The following PEX7 variants were observed in gnomAD, a reference collection of about 807,000 sequenced individuals.
PEX7 encodes the protein PTS2 receptor.
Under a neutral mutation model 47.5 loss-of-function variants are expected in PEX7, and 34 were observed. That is an observed-to-expected ratio of 0.72 (90% CI 0.54 to 0.95). The LOEUF (loss-of-function observed/expected upper bound fraction) is 0.95. Ranked by LOEUF, PEX7 falls within the 40% of genes least tolerant of loss-of-function variation. The pLI is 0.00. For synonymous variants in PEX7, 141 were observed against 148.8 expected (o/e 0.95, Z 0.38); for missense variants, 394 against 400.3 (o/e 0.98, Z 0.13).
intron 8 of PEX7, among the ~76,000 whole-genome samples, chr6:136,885,192 G>A (rs796765124): frequency 5.3e-5 from 8 of 152,222 alleles, no homozygotes; most frequent in African/African-American, 1.9e-4. Context: ...GCAGCATTCC[G>A]TGTCTTCCAC....
chr6:136,830,264 T>C (rs1774269676), intron 3 of PEX7: 1 of 463,086 alleles, frequency 2.2e-6, no homozygotes, highest in African/African-American at 2.0e-5. Context: ...GCTAGTATTA[T>C]TATTTGCTCT....
chr6:136,896,695 C>A (rs1775657349), intron 8 of PEX7, among the ~76,000 whole-genome samples: 1 of 152,132 alleles, frequency 6.6e-6, no homozygotes, highest in Admixed American at 6.5e-5. Flanking sequence ...TTTCCTTTAA[C>A]TCATTTTTTG....
At chr6:136,835,719 T>C (rs1181520741) in intron 3 of PEX7, among the ~76,000 whole-genome samples, 1 of 152,194 alleles carries the variant, frequency 6.6e-6, no homozygotes, top group Non-Finnish European at 1.5e-5. Flanking sequence ...ACTTGGTAAG[T>C]GTTCAATTCT....
At chr6:136,837,494 A>T (rs1474976484) in intron 3 of PEX7, among the ~76,000 whole-genome samples, 1 of 152,184 alleles carries the variant, frequency 6.6e-6, no homozygotes, top group Non-Finnish European at 1.5e-5. Flanking sequence ...CTGTCTAAAA[A>T]AAGTACATAT....
chr6:136,899,083 T>TTC (rs1306207324), intron 9 of PEX7, among the ~76,000 whole-genome samples: 63 of 142,494 alleles, frequency 4.4e-4, no homozygotes, highest in African/African-American at 1.0e-3. Flanking sequence ...TTCTTTTCTT[T>TTC]TTTTTTTTTT....
intron 5 of PEX7, among the ~76,000 whole-genome samples, chr6:136,854,379 G>A (rs540449572): frequency 1.1e-3 from 163 of 152,186 alleles, no homozygotes; most frequent in African/African-American, 3.8e-3. Flanking sequence ...TAGAGACAGG[G>A]TTTCACCATG....
intron 9 of PEX7, among the ~76,000 whole-genome samples, chr6:136,904,266 AT>A (rs1483767354): frequency 3.3e-5 from 5 of 152,160 alleles, no homozygotes; most frequent in African/African-American, 1.2e-4. Flanking sequence ...CTGTTTCCTC[AT>A]TGATGCTTTC....
intron 3 of PEX7, among the ~76,000 whole-genome samples, chr6:136,827,190 T>C (rs1774210117): frequency 6.6e-6 from 1 of 152,220 alleles, no homozygotes; most frequent in Admixed American, 6.5e-5. Context: ...CAATAAATGC[T>C]TATTAGATGC....
At chr6:136,910,962 G>A (rs919377375) in intron 9 of PEX7, among the ~76,000 whole-genome samples, 2 of 151,846 alleles carry the variant, frequency 1.3e-5, no homozygotes, top group African/African-American at 4.8e-5. Flanking sequence ...CTCACACATC[G>A]TTTAGTTATC....
intron 8 of PEX7, among the ~76,000 whole-genome samples, chr6:136,884,580 T>C (rs1417402494): frequency 6.6e-6 from 1 of 151,852 alleles, no homozygotes. Context: ...ATATCAAAAC[T>C]GATGATATGG....
At chr6:136,838,126 T>A (rs1056350427) in intron 3 of PEX7, among the ~76,000 whole-genome samples, 7 of 152,172 alleles carry the variant, frequency 4.6e-5, no homozygotes, top group Admixed American at 2.6e-4. Flanking sequence ...AAATAATGAT[T>A]AGGCAGGGAT....
chr6:136,868,778 G>A (rs1322898220), intron 6 of PEX7, among the ~76,000 whole-genome samples: 1 of 150,936 alleles, frequency 6.6e-6, no homozygotes, highest in East Asian at 2.0e-4. Flanking sequence ...TCTGAGTTAT[G>A]TGGGGTGGAC....
At chr6:136,851,019 C>A in intron 5 of PEX7, among the ~76,000 whole-genome samples, 1 of 78,658 alleles carries the variant, frequency 1.3e-5, no homozygotes, top group South Asian at 4.9e-4. Context: ...TTTTATTATA[C>A]TCTAAGTTTT....
Position 136,869,960 on chromosome 6 carries a change from T to C in PEX7, c.704T>C (p.Val235Ala), listed in dbSNP as rs1436415665. ...GACTTAAGGAATGTACGACAACCAG[T>C]GTTTGAACTTCTTGGTCATACCTAT... ...GWDLRNVRQP[V>A]FELLGHTYAI... The change falls in exon 7 of 10, where the codon GTG becomes GCG. Residue 235 changes from valine (V) to alanine (A), a missense_variant. By Grantham distance (64) the Val-to-Ala change is moderately conservative. Transcript: ENST00000318471. The C allele has an allele frequency of 6.2e-7, 1 of 1,614,070 alleles. No homozygotes were observed. Among genetic ancestry groups the C allele is most frequent in the Middle Eastern group, 1.6e-4 (1 of 6,062 alleles).
intron 1 of PEX7, among the ~76,000 whole-genome samples, chr6:136,823,715 A>G (rs1410975324): frequency 6.6e-6 from 1 of 152,026 alleles, no homozygotes; most frequent in Non-Finnish European, 1.5e-5. Flanking sequence ...ACATGGAGAA[A>G]CCCCATCTCT....
chr6:136,885,504 T>G (rs897586977), intron 8 of PEX7, among the ~76,000 whole-genome samples: 1 of 152,212 alleles, frequency 6.6e-6, no homozygotes, highest in South Asian at 2.1e-4. Flanking sequence ...TCAGCAACAT[T>G]AATGTTTCCA....
chr6:136,848,823 G>C (rs535669156), intron 5 of PEX7, among the ~76,000 whole-genome samples: 10 of 152,008 alleles, frequency 6.6e-5, no homozygotes, highest in African/African-American at 1.9e-4. Context: ...TTTTTTTGTT[G>C]TGTCTCTACC....
Position 136,860,724 on chromosome 6 carries a change from T to C in PEX7, c.527-5903T>C, listed in dbSNP as rs115944458. Among the ~76,000 whole-genome samples the C allele has an allele frequency of 3.9e-3, 592 of 152,212 alleles. 2 individuals carry two copies. Among genetic ancestry groups the C allele is most frequent in the African/African-American group, 0.013 (555 of 41,540 alleles). On this transcript the variant is annotated intron_variant, in intron 5 of 9. Coordinates refer to ENST00000318471, the MANE Select transcript of PEX7 (RefSeq NM_000288.4). The stretch of plus-strand genomic sequence containing the variant: ...GAACAAAACCTCCCAACCTTTGTTA[T>C]TGTGTTTTTTAATCTTTTATTGAAG...
intron 3 of PEX7, among the ~76,000 whole-genome samples, chr6:136,835,571 G>T (rs1179584895): frequency 6.6e-6 from 1 of 152,098 alleles, no homozygotes; most frequent in Non-Finnish European, 1.5e-5. Flanking sequence ...ACAGGCGTGA[G>T]CCACTGCATC....
Sources: gnomAD v4.1 joint callset for allele counts (sites outside exome capture counted in the v4.1 genomes callset) on GRCh38, gnomAD v4.1.1 for gene constraint, MANE v1.5 for transcripts, NCBI Gene and HGNC (gene_info 2026-07-23, HGNC 2026-07-21) for gene names.